The following ZNF585A variants were observed in gnomAD, a reference collection of about 807,000 sequenced individuals.
The protein encoded by ZNF585A is zinc finger protein 585A.
In ZNF585A, 9 loss-of-function variants were observed where a neutral mutation model predicts 14.9. The ratio of observed to expected loss-of-function variants is 0.60; its 90% CI spans 0.36 to 1.05. The LOEUF (loss-of-function observed/expected upper bound fraction) is 1.05, where lower values mean the gene tolerates loss of function less well. Among genes scored for constraint, ZNF585A ranks in the 50% least tolerant of loss-of-function variants. The pLI is 0.01. For synonymous variants in ZNF585A, 276 were observed against 319.9 expected, an observed-to-expected ratio of 0.86 and a Z score of 1.46; for missense variants, 726 against 926.4, an observed-to-expected ratio of 0.78 and a Z score of 2.81.
rs976624596 is a variant in ZNF585A at position 37,148,205 on chromosome 19, T to C, written c.*3384A>G. On this transcript the variant is annotated 3_prime_UTR_variant, in exon 5 of 5. Transcript: ENST00000292841. Reference sequence around the variant, plus strand: ...ATGGCACGTTTTCATTTTTAGCCATTCTAAAAGCCATTCTATAGTAGTATC... The same window carrying C: ...ATGGCACGTTTTCATTTTTAGCCATCCTAAAAGCCATTCTATAGTAGTATC... 3.3e-5 allele frequency: 5 copies of C among 152,212 alleles called. No homozygotes were observed. The highest frequency in any genetic ancestry group is 1.2e-4 in the African/African-American group (5 of 41,454). 9.4% of individuals were successfully genotyped at this position (152,212 alleles called of 1,614,324 possible). A position where few individuals can be genotyped will look rare whatever the true frequency, so the allele number is the denominator to read the frequency against.
Position 37,153,484 on chromosome 19 carries a change from A to G in ZNF585A, c.415T>C (p.Phe139Leu), listed in dbSNP as rs2145398842. The G allele has an allele frequency of 2.5e-6, 4 of 1,614,160 alleles. No homozygotes were observed. The highest frequency in any genetic ancestry group is 1.3e-5 in the African/African-American group (1 of 75,038). ...ACTTTGAGCTGTGACTTCTGGGTGA[A>G]TATCTTTTCAAATTTGGCGCATTCA... ...AYECAKFEKI[F>L]TQKSQLKVHL... Residue 139 changes from phenylalanine (F) to leucine (L), a missense_variant, in exon 5 of 5, where the codon TTC becomes CTC. Coordinates refer to ENST00000292841, the MANE Select transcript of ZNF585A (RefSeq NM_001288800.2).
chr19:37,153,487 T>A lies in ZNF585A; in HGVS notation c.412A>T (p.Ile138Leu), dbSNP rs1971874514. 2.5e-6 allele frequency: 4 copies of A among 1,614,064 alleles called. No homozygotes were observed. In the African/African-American group the frequency reaches 5.3e-5, roughly 22 times the overall value. Residue 138 changes from isoleucine (I) to leucine (L), a missense_variant, in exon 5 of 5, where the codon ATA becomes TTA. Transcript: ENST00000292841. ...KAYECAKFEK[I>L]FTQKSQLKVH... Reference sequence around the variant, plus strand: ...TTGAGCTGTGACTTCTGGGTGAATATCTTTTCAAATTTGGCGCATTCATAA... The same window carrying A: ...TTGAGCTGTGACTTCTGGGTGAATAACTTTTCAAATTTGGCGCATTCATAA...
At position 37,156,349 on chromosome 19, in the gene ZNF585A, C is replaced by G. The variant is rs1971931427; in HGVS notation, c.79G>C (p.Val27Leu). Reference sequence around the variant, plus strand: ...TCGATAGCCACATCCCTGAAGGACACTGATCCCTGTAAGGGCAAATTCTTG... The same window carrying G: ...TCGATAGCCACATCCCTGAAGGACAGTGATCCCTGTAAGGGCAAATTCTTG... ...EDHGSSYEGS[V>L]SFRDVAIDFS... Residue 27 changes from valine to leucine, a missense_variant, in exon 3 of 5, where the codon GTG becomes CTG. Val to Leu is a conservative substitution (Grantham distance 32, BLOSUM62 1). Around this residue, in one of 2 missense-constraint regions of ZNF585A, gnomAD observed 483 missense variants for 542.8 expected, o/e 0.89. Coordinates refer to ENST00000292841, the MANE Select transcript of ZNF585A (RefSeq NM_001288800.2). 1 of 1,614,064 alleles carries G rather than the reference C, an allele frequency of 6.2e-7. No individual in the cohort carries two copies. Among genetic ancestry groups the G allele is most frequent in the African/African-American group, 1.3e-5 (1 of 74,932 alleles).
chr19:37,164,834 A>T (rs1972062654), intron 2 of ZNF585A, among the ~76,000 whole-genome samples: 1 of 152,030 alleles, frequency 6.6e-6, no homozygotes, highest in Non-Finnish European at 1.5e-5. Context: ...CACCACACTC[A>T]GTTAATTTTG....
Position 37,151,081 on chromosome 19 carries a change from A to G in ZNF585A, c.*508T>C, listed in dbSNP as rs144269922. On this transcript the variant is annotated 3_prime_UTR_variant, in exon 5 of 5. Coordinates refer to ENST00000292841, the MANE Select transcript of ZNF585A (RefSeq NM_001288800.2). ...TAGAAATACTGAATGAGGGTTGGATATGACCAACTGTGGTAGATTCGAATG... is the reference window on the plus strand; with the variant it reads ...TAGAAATACTGAATGAGGGTTGGATGTGACCAACTGTGGTAGATTCGAATG... 92 of 332,148 alleles carry G rather than the reference A, an allele frequency of 2.8e-4. No individual in the cohort carries two copies. The East Asian group carries it at 3.1e-3, about 11-fold the overall frequency. The allele number at this position is 332,148 out of a possible 1,614,324, so 20.6% of individuals were successfully genotyped here. A position where few individuals can be genotyped will look rare whatever the true frequency, so the allele number is the denominator to read the frequency against.
intron 2 of ZNF585A, among the ~76,000 whole-genome samples, chr19:37,160,989 T>C (rs1315666513): frequency 6.6e-6 from 1 of 152,114 alleles, no homozygotes; most frequent in Non-Finnish European, 1.5e-5. Context: ...TGCCTCAGCC[T>C]CCTGAGTAGC....
rs1232249372 is a variant in ZNF585A at position 37,149,423 on chromosome 19, T to G, written c.*2166A>C. 1 of 152,244 alleles carries G rather than the reference T, an allele frequency of 6.6e-6. No individual in the cohort carries two copies. Among genetic ancestry groups the G allele is most frequent in the Non-Finnish European group, 1.5e-5 (1 of 68,038 alleles). The allele number at this position is 152,244 out of a possible 1,614,324, so 9.4% of individuals were successfully genotyped here. On this transcript the variant is annotated 3_prime_UTR_variant, in exon 5 of 5. Transcript: ENST00000292841. ...ATAAGAGAAATAATCAAAAGTCATT[T>G]ACAATAAATTGTTTCCCTTCATGAG...
At chr19:37,171,881 T>C (rs1438985152) in intron 1 of ZNF585A, among the ~76,000 whole-genome samples, 2 of 151,184 alleles carry the variant, frequency 1.3e-5, no homozygotes, top group Non-Finnish European at 2.9e-5. Context: ...CCAACTTGGG[T>C]GACAGAGCGA....
In ZNF585A at chr19:37,166,316, C is replaced by CTTT. The variant is rs112585283; in HGVS notation, c.72+3520_72+3522dup. On this transcript the variant is annotated intron_variant, in intron 2 of 4. Transcript: ENST00000292841. ...GGTGTGAGCCACCATGCTGCCCAGTCTTTTTTTTTTTTTTTGAGACAGAGT... is the reference window on the plus strand; with the variant it reads ...GGTGTGAGCCACCATGCTGCCCAGTCTTTTTTTTTTTTTTTTTTGAGACAGAGT... Among the ~76,000 whole-genome samples the CTTT allele has an allele frequency of 5.9e-3, 753 of 127,228 alleles. 20 individuals carry two copies. The highest frequency in any genetic ancestry group is 0.057 in the East Asian group (237 of 4,186). 83.5% of individuals were successfully genotyped at this position (127,228 alleles called of 152,430 possible).
rs562705296 is a variant in ZNF585A at position 37,147,356 on chromosome 19, C to G, written c.*4233G>C. On this transcript the variant is annotated 3_prime_UTR_variant, in exon 5 of 5. Transcript: ENST00000292841. Reference sequence around the variant, plus strand: ...CTCTCAGAACAGTCGGTGCAAAGGCCCAAAGCCAGAGAAAAGATCCTTGAT... The same window carrying G: ...CTCTCAGAACAGTCGGTGCAAAGGCGCAAAGCCAGAGAAAAGATCCTTGAT... The G allele has an allele frequency of 6.6e-6, 1 of 152,054 alleles. No individual in the cohort carries two copies. Among genetic ancestry groups the G allele is most frequent in the Non-Finnish European group, 1.5e-5 (1 of 68,016 alleles). 9.4% of individuals were successfully genotyped at this position (152,054 alleles called of 1,614,324 possible). A position where few individuals can be genotyped will look rare whatever the true frequency, so the allele number is the denominator to read the frequency against.
chr19:37,156,660 T>C (rs942331251), intron 2 of ZNF585A, among the ~76,000 whole-genome samples: 1 of 152,144 alleles, frequency 6.6e-6, no homozygotes. Flanking sequence ...TCAAAGTAAG[T>C]TGCAGATGAC....
In ZNF585A at chr19:37,155,859, A is replaced by C. The variant is rs1971919756; in HGVS notation, c.292+6T>G. ...CATCTACCGGATTCACACTCGCTTC[A>C]CTCACCTGGGCAGCTCTGACGTGGC... On this transcript the variant is annotated splice_donor_region_variant and intron_variant, in intron 4 of 4. Coordinates refer to ENST00000292841, the MANE Select transcript of ZNF585A (RefSeq NM_001288800.2). 1 of 1,611,854 alleles carries C rather than the reference A, an allele frequency of 6.2e-7. No homozygotes were observed. The highest frequency in any genetic ancestry group is 1.3e-5 in the African/African-American group (1 of 74,782).
intron 2 of ZNF585A, among the ~76,000 whole-genome samples, chr19:37,161,627 C>A (rs1235277401): frequency 2.6e-5 from 4 of 152,108 alleles, no homozygotes; most frequent in Non-Finnish European, 4.4e-5. Flanking sequence ...CTCTGCCACC[C>A]GAGCCAGCAA....
intron 2 of ZNF585A, among the ~76,000 whole-genome samples, chr19:37,168,263 TA>T (rs1271967997): frequency 4.6e-5 from 7 of 152,302 alleles, no homozygotes; most frequent in Admixed American, 2.0e-4. Flanking sequence ...TAAATGAGGA[TA>T]AAAGCAGCCC....
At position 37,146,287 on chromosome 19, in the gene ZNF585A, A is replaced by G. The variant is rs1971743590; in HGVS notation, c.*5302T>C. 1 of 152,328 alleles carries G rather than the reference A, an allele frequency of 6.6e-6. No individual in the cohort carries two copies. Among genetic ancestry groups the G allele is most frequent in the African/African-American group, 2.4e-5 (1 of 41,426 alleles). 9.4% of individuals were successfully genotyped at this position (152,328 alleles called of 1,614,324 possible). A position where few individuals can be genotyped will look rare whatever the true frequency, so the allele number is the denominator to read the frequency against. On this transcript the variant is annotated 3_prime_UTR_variant, in exon 5 of 5. Transcript: ENST00000292841. ...ATCGCAGCTACTCGGAGGCTGAGGC[A>G]GGAGAATCACTTGAACCCGGGAGGC...
chr19:37,154,157 C>T (rs908736256), intron 4 of ZNF585A, among the ~76,000 whole-genome samples: 4 of 152,012 alleles, frequency 2.6e-5, no homozygotes, highest in Admixed American at 6.6e-5. Context: ...AAGAGGAAGG[C>T]AGTAACAATG....
rs1340162660 is a variant in ZNF585A at position 37,172,677 on chromosome 19, C to CA, written c.-196dup. The CA allele has an allele frequency of 6.6e-6, 1 of 152,182 alleles. No homozygotes were observed. Among genetic ancestry groups the CA allele is most frequent in the African/African-American group, 2.4e-5 (1 of 41,438 alleles). The allele number at this position is 152,182 out of a possible 1,614,324, so 9.4% of individuals were successfully genotyped here. The stretch of plus-strand genomic sequence containing the variant: ...ATGAAAATACTCCTGACACCAGCGG[C>CA]AAAAAAGCCTTGGAAGACCACTTCC... On this transcript the variant is annotated 5_prime_UTR_variant, in exon 1 of 5. Transcript: ENST00000292841.
chr19:37,156,448 T>A, intron 2 of ZNF585A, 93 bp from the exon 3 acceptor site: 1 of 1,436,406 alleles, frequency 7.0e-7, no homozygotes, highest in Non-Finnish European at 9.3e-7. Flanking sequence ...CTTGTTGTTT[T>A]AAATTTACAT....
chr19:37,159,391 C>A (rs971778852), intron 2 of ZNF585A, among the ~76,000 whole-genome samples: 1 of 151,274 alleles, frequency 6.6e-6, no homozygotes, highest in Non-Finnish European at 1.5e-5. Context: ...TTTTTGAAAA[C>A]AAAATACATG....
Sources: gnomAD v4.1 joint callset for allele counts (sites outside exome capture counted in the v4.1 genomes callset) on GRCh38, gnomAD v4.1.1 for gene constraint, gnomAD v4.1.1 regional missense constraint, MANE v1.5 for transcripts, NCBI Gene and HGNC (gene_info 2026-07-23, HGNC 2026-07-21) for gene names.